BNC2: variants seen among roughly 807,000 people sequenced by gnomAD.
BNC2 encodes the protein basonuclin zinc finger protein 2, also known as zinc finger protein basonuclin-2.
Under a neutral mutation model 76.3 loss-of-function variants are expected in BNC2, and 20 were observed. The observed-to-expected ratio is 0.26, with a 90% confidence interval of 0.18 to 0.38. The LOEUF (loss-of-function observed/expected upper bound fraction) is 0.38, where lower values mean the gene tolerates loss of function less well. BNC2 is among the 10% of genes least tolerant of loss of function. The probability of loss-of-function intolerance (pLI) is 1.00; values close to 1 mark genes in which losing one functional copy is unlikely to be tolerated. For missense variants in BNC2, 1,382 were observed against 1,399.8 expected, an observed-to-expected ratio of 0.99 and a Z score of 0.20; for synonymous variants, 582 against 514.8, an observed-to-expected ratio of 1.13 and a Z score of -1.77.
chr9:16,489,035 T>C (rs556632750), intron 5 of BNC2, among the ~76,000 whole-genome samples: 49 of 152,304 alleles, frequency 3.2e-4, no homozygotes, highest in African/African-American at 1.1e-3. Context: ...TCTAAGTCAG[T>C]GTTGTCAAAC....
intron 5 of BNC2, among the ~76,000 whole-genome samples, chr9:16,498,250 T>C (rs1822441538): frequency 7.3e-6 from 1 of 137,436 alleles, no homozygotes; most frequent in African/African-American, 2.6e-5. Context: ...CATATATATA[T>C]ATATTCCATC....
At chr9:16,734,969 C>T (rs1056315857) in intron 2 of BNC2, among the ~76,000 whole-genome samples, 4 of 152,114 alleles carry the variant, frequency 2.6e-5, no homozygotes, top group African/African-American at 9.7e-5. Context: ...GTGTCTGTAC[C>T]AACTAAAACA....
intron 3 of BNC2, among the ~76,000 whole-genome samples, chr9:16,690,443 T>C (rs376507400): frequency 5.4e-4 from 82 of 151,940 alleles, no homozygotes; most frequent in African/African-American, 1.9e-3. Context: ...GGTGACAGAG[T>C]GAAACCCTGT....
chr9:16,666,041 T>C (rs1295249852), intron 3 of BNC2, among the ~76,000 whole-genome samples: 1 of 152,236 alleles, frequency 6.6e-6, no homozygotes, highest in African/African-American at 2.4e-5. Context: ...CAGATATTTA[T>C]TTGTTAAAAC....
intron 3 of BNC2, among the ~76,000 whole-genome samples, chr9:16,583,554 C>A (rs2133063706): frequency 6.6e-6 from 1 of 152,104 alleles, no homozygotes; most frequent in African/African-American, 2.4e-5. Flanking sequence ...TTTTCTTCTG[C>A]TGAATTTCAA....
chr9:16,533,190 T>C (rs978183668), intron 5 of BNC2, among the ~76,000 whole-genome samples: 4 of 152,162 alleles, frequency 2.6e-5, no homozygotes, highest in Non-Finnish European at 4.4e-5. Context: ...AAACATAACA[T>C]GGAGCATGAT....
intron 3 of BNC2, among the ~76,000 whole-genome samples, chr9:16,674,062 G>A (rs897664458): frequency 1.3e-5 from 2 of 151,964 alleles, no homozygotes; most frequent in Non-Finnish European, 2.9e-5. Context: ...CTGCCTTTTC[G>A]GACTAATATT....
chr9:16,695,666 C>A (rs1401569752), intron 3 of BNC2, among the ~76,000 whole-genome samples: 2 of 151,808 alleles, frequency 1.3e-5, no homozygotes, highest in East Asian at 1.9e-4. Context: ...TGAGCCACAT[C>A]ATGTGGCCGC....
At chr9:16,649,769 G>GT (rs2133936075) in intron 3 of BNC2, among the ~76,000 whole-genome samples, 1 of 152,212 alleles carries the variant, frequency 6.6e-6, no homozygotes, top group South Asian at 2.1e-4. Context: ...AACTTCATTT[G>GT]TTTGAGAGGC....
intron 1 of BNC2, among the ~76,000 whole-genome samples, chr9:16,827,395 AC>A (rs1818478048): frequency 6.6e-6 from 1 of 152,166 alleles, no homozygotes; most frequent in Admixed American, 6.5e-5. Flanking sequence ...CCTCAGTGGG[AC>A]CCACTGAACA....
chr9:16,449,791 G>A (rs1417416745), intron 5 of BNC2, among the ~76,000 whole-genome samples: 1 of 150,856 alleles, frequency 6.6e-6, no homozygotes, highest in Admixed American at 6.6e-5. Context: ...CAATGGAAAT[G>A]GGGGTGAATG....
chr9:16,862,835 A>T (rs1217669845), intron 1 of BNC2, among the ~76,000 whole-genome samples: 3 of 152,004 alleles, frequency 2.0e-5, no homozygotes, highest in Non-Finnish European at 2.9e-5. Context: ...ATGTTAAGAC[A>T]CTCATGCTTT....
intron 5 of BNC2, among the ~76,000 whole-genome samples, chr9:16,445,478 G>C (rs1330812249): frequency 6.6e-6 from 1 of 151,910 alleles, no homozygotes; most frequent in East Asian, 1.9e-4. Context: ...TGTACCAAAT[G>C]GTTCAAATTA....
chr9:16,864,918 G>A (rs1052812456), intron 1 of BNC2, among the ~76,000 whole-genome samples: 1 of 151,748 alleles, frequency 6.6e-6, no homozygotes, highest in Non-Finnish European at 1.5e-5. Flanking sequence ...CACAGACACT[G>A]AGCAGAGATC....
At chr9:16,767,597 T>A (rs1320624505) in intron 1 of BNC2, among the ~76,000 whole-genome samples, 2 of 152,142 alleles carry the variant, frequency 1.3e-5, no homozygotes, top group African/African-American at 4.8e-5. Flanking sequence ...GGGGAAAAAG[T>A]ATGAGAGGGT....
intron 5 of BNC2, among the ~76,000 whole-genome samples, chr9:16,541,892 G>A (rs1376858618): frequency 1.3e-5 from 2 of 152,030 alleles, no homozygotes; most frequent in East Asian, 3.9e-4. Context: ...GAAAAAAAAT[G>A]CCTATTGTGC....
intron 1 of BNC2, among the ~76,000 whole-genome samples, chr9:16,759,725 A>ATTTT (rs35836794): frequency 5.6e-4 from 79 of 141,486 alleles, no homozygotes; most frequent in Non-Finnish European, 1.0e-3. Flanking sequence ...GACATAAACT[A>ATTTT]TTTTTTTTTT....
Position 16,437,536 on chromosome 9 carries a change from A to G in BNC2, c.670-12T>C. 3 of 1,610,122 alleles carry G rather than the reference A, an allele frequency of 1.9e-6. No homozygotes were observed. The East Asian group carries it at 6.7e-5, about 36-fold the overall frequency. Reference sequence around the variant, plus strand: ...TTGCCAGCAGCATCCTAGAGGCCACATCAAAGAAACAACAAAGACAAACAC... The same window carrying G: ...TTGCCAGCAGCATCCTAGAGGCCACGTCAAAGAAACAACAAAGACAAACAC... On this transcript the variant is annotated splice_polypyrimidine_tract_variant and intron_variant, in intron 5 of 6. Transcript: ENST00000380672.
chr9:16,553,508 TAAC>T (rs1444367745), intron 4 of BNC2, among the ~76,000 whole-genome samples: 3 of 152,122 alleles, frequency 2.0e-5, no homozygotes, highest in African/African-American at 4.8e-5. Context: ...AAGAAAGAAA[TAAC>T]AAGTCACTTT....
Sources: gnomAD v4.1 joint callset for allele counts (sites outside exome capture counted in the v4.1 genomes callset) on GRCh38, gnomAD v4.1.1 for gene constraint, MANE v1.5 for transcripts, NCBI Gene and HGNC (gene_info 2026-07-23, HGNC 2026-07-21) for gene names.